IVD: variants seen among roughly 807,000 people sequenced by gnomAD.
IVD encodes the protein isovaleryl-CoA dehydrogenase, mitochondrial.
IVD carries 31 observed loss-of-function variants against 51.3 expected under a neutral mutation model. The observed-to-expected ratio is 0.60, with a 90% CI of 0.45 to 0.81. IVD has a LOEUF of 0.81. Ranked by LOEUF, IVD falls within the 40% of genes least tolerant of loss-of-function variation. IVD has a pLI of 0.00. For synonymous variants in IVD, 205 were observed against 219.4 expected (o/e 0.93, Z 0.58); for missense variants, 475 against 552.0 (o/e 0.86, Z 1.40).
rs560244242 is a variant in IVD, at chr15:40,420,724, G to C, written c.*2461G>C. The stretch of plus-strand genomic sequence containing the variant: ...AAAACCGCCCCTTTGTTTTTAAAAA[G>C]ATCAACACAATTTGACTTTCTCAAG... On this transcript the variant is annotated 3_prime_UTR_variant, in exon 12 of 12. Coordinates refer to ENST00000487418, the MANE Select transcript of IVD (RefSeq NM_002225.5). 3.0e-6 allele frequency: 3 copies of C among 985,864 alleles called. No homozygotes were observed. The African/African-American group carries it at 5.2e-5, about 17-fold the overall frequency. 61.1% of individuals were successfully genotyped at this position (985,864 alleles called of 1,614,324 possible).
chr15:40,416,183 G>A lies in IVD; in HGVS notation c.1065+1G>A, dbSNP rs756581753. ...CGATGAGGGCCATTGCACTGCTAAG[G>A]TGAGGGCCAGCCTCAGTCGGGGAGA... is the stretch of plus-strand genomic sequence containing the variant. On this transcript the variant is annotated splice_donor_variant, in intron 10 of 11. Transcript: ENST00000487418. LOFTEE classifies it high-confidence loss of function. The A allele has an allele frequency of 6.2e-7, 1 of 1,614,148 alleles. No homozygotes were observed. The highest frequency in any genetic ancestry group is 8.5e-7 in the Non-Finnish European group (1 of 1,179,952).
rs941709659 is a variant in IVD, at chr15:40,421,037, C to T, written c.*2774C>T. 1.1e-5 allele frequency: 11 copies of T among 985,434 alleles called. No homozygotes were observed. In the South Asian group the frequency reaches 2.4e-4, roughly 21 times the overall value. 61.0% of individuals were successfully genotyped at this position (985,434 alleles called of 1,614,324 possible). A position where few individuals can be genotyped will look rare whatever the true frequency, so the allele number is the denominator to read the frequency against. On this transcript the variant is annotated 3_prime_UTR_variant, in exon 12 of 12. Transcript: ENST00000487418. ...GGCTCCTCACCAACCCCAGTTCCGTCCCATCCTGAGGGCAAGATCCTGGGC... is the reference window on the plus strand; with the variant it reads ...GGCTCCTCACCAACCCCAGTTCCGTTCCATCCTGAGGGCAAGATCCTGGGC...
rs76965563 is a variant in IVD at position 40,406,759 on chromosome 15, T to G, written c.144+788T>G. Reference sequence around the variant, plus strand: ...CCTCCCAGCAACTCCGTAGTTTATGTTTATAGCCAGCGAGCGCTCAGAGCT... The same window carrying G: ...CCTCCCAGCAACTCCGTAGTTTATGGTTATAGCCAGCGAGCGCTCAGAGCT... On this transcript the variant is annotated intron_variant, in intron 1 of 11. Coordinates refer to ENST00000487418, the MANE Select transcript of IVD (RefSeq NM_002225.5). Among the ~76,000 whole-genome samples the G allele has an allele frequency of 7.9e-3, 1,206 of 152,318 alleles. 8 individuals are homozygous for G. The highest frequency in any genetic ancestry group is 0.013 in the Non-Finnish European group (899 of 68,028).
chr15:40,419,292 C>G lies in IVD; in HGVS notation c.*1029C>G. 8.3e-7 allele frequency: 1 copy of G among 1,201,758 alleles called. No homozygotes were observed. Among genetic ancestry groups the G allele is most frequent in the Middle Eastern group, 2.2e-4 (1 of 4,520 alleles). The allele number at this position is 1,201,758 out of a possible 1,614,324, so 74.4% of individuals were successfully genotyped here. A position where few individuals can be genotyped will look rare whatever the true frequency, so the allele number is the denominator to read the frequency against. On this transcript the variant is annotated 3_prime_UTR_variant, in exon 12 of 12. Transcript: ENST00000487418. ...TTGGGAGGCCAAGGCAGGTGGATCACTTGCAGTCAGGAGTTCAAGACCAGC... is the reference window on the plus strand; with the variant it reads ...TTGGGAGGCCAAGGCAGGTGGATCAGTTGCAGTCAGGAGTTCAAGACCAGC...
At chr15:40,415,999 T>C in intron 9 of IVD, 79 bp from the exon 10 acceptor site, 4 of 1,254,344 alleles carry the variant, frequency 3.2e-6, no homozygotes, top group Non-Finnish European at 4.6e-6. Flanking sequence ...CTTGGCTGTC[T>C]TGTTGCCATT....
At position 40,421,079 on chromosome 15, in the gene IVD, T is replaced by C; in HGVS notation, c.*2816T>C. Reference sequence around the variant, plus strand: ...ATCCTGGGCTCATAGGCAGTCCCTTTCACTTCCTTGTCTTGCTCCCTGCTA... The same window carrying C: ...ATCCTGGGCTCATAGGCAGTCCCTTCCACTTCCTTGTCTTGCTCCCTGCTA... On this transcript the variant is annotated 3_prime_UTR_variant, in exon 12 of 12. Coordinates refer to ENST00000487418, the MANE Select transcript of IVD (RefSeq NM_002225.5). The C allele has an allele frequency of 1.0e-6, 1 of 985,448 alleles. No individual in the cohort carries two copies. Among genetic ancestry groups the C allele is most frequent in the Non-Finnish European group, 1.2e-6 (1 of 829,946 alleles). 61.0% of individuals were successfully genotyped at this position (985,448 alleles called of 1,614,324 possible). A position where few individuals can be genotyped will look rare whatever the true frequency, so the allele number is the denominator to read the frequency against.
At position 40,419,241 on chromosome 15, in the gene IVD, T is replaced by G. The variant is rs1595801141; in HGVS notation, c.*978T>G. On this transcript the variant is annotated 3_prime_UTR_variant, in exon 12 of 12. Transcript: ENST00000487418. ...CATATGCTTGCTTGGCCAGGCAAGG[T>G]GGTGTGTGCCTGTAATCCCAGCACT... is the stretch of plus-strand genomic sequence containing the variant. 1 of 1,289,022 alleles carries G rather than the reference T, an allele frequency of 7.8e-7. No individual in the cohort carries two copies. Among genetic ancestry groups the G allele is most frequent in the African/African-American group, 1.5e-5 (1 of 65,956 alleles). 79.8% of individuals were successfully genotyped at this position (1,289,022 alleles called of 1,614,324 possible).
At chr15:40,422,146 A>G (rs981347078), downstream of IVD, among the ~76,000 whole-genome samples, 9 of 152,228 alleles carry the variant, frequency 5.9e-5, no homozygotes, top group Admixed American at 5.9e-4. Flanking sequence ...GCGCGGAGCC[A>G]GCCTATATGG....
In IVD at chr15:40,418,446, G is replaced by C; in HGVS notation, c.*183G>C. 6.7e-7 allele frequency: 1 copy of C among 1,494,278 alleles called. No individual in the cohort carries two copies. The highest frequency in any genetic ancestry group is 8.9e-7 in the Non-Finnish European group (1 of 1,124,936). The allele number at this position is 1,494,278 out of a possible 1,614,324, so 92.6% of individuals were successfully genotyped here. ...CCCAAGCATCATGGGCCTCGCAGCCGGGCCTGTGCCACGGCTAGTGTTGTG... is the reference window on the plus strand; with the variant it reads ...CCCAAGCATCATGGGCCTCGCAGCCCGGCCTGTGCCACGGCTAGTGTTGTG... On this transcript the variant is annotated 3_prime_UTR_variant, in exon 12 of 12. Coordinates refer to ENST00000487418, the MANE Select transcript of IVD (RefSeq NM_002225.5).
intron 6 of IVD, 133 bp from the exon 7 acceptor site, chr15:40,412,858 C>G: frequency 1.4e-6 from 1 of 723,688 alleles, no homozygotes. Context: ...GAGCATGGGA[C>G]TAGGATGCTG....
chr15:40,410,616 C>T lies in IVD; in HGVS notation c.287-12C>T, dbSNP rs954962043. ...CTGCGTTTTCCACTCCCTTGTACCA[C>T]ACCACTCACAGTTCAGTATGGCGGC... On this transcript the variant is annotated splice_polypyrimidine_tract_variant and intron_variant, in intron 3 of 11. Transcript: ENST00000487418. 1.9e-6 allele frequency: 3 copies of T among 1,614,138 alleles called. No individual in the cohort carries two copies. Among genetic ancestry groups the T allele is most frequent in the Non-Finnish European group, 2.5e-6 (3 of 1,180,024 alleles).
At chr15:40,425,228 C>CA (rs1892597884), downstream of IVD, among the ~76,000 whole-genome samples, 1 of 152,116 alleles carries the variant, frequency 6.6e-6, no homozygotes, top group South Asian at 2.1e-4. Context: ...TGAAAAATAA[C>CA]AAACTCCTGT....
Position 40,414,953 on chromosome 15 carries a change from GC to G in IVD, c.850del (p.Arg284GlyfsTer25). ...YVLMSGLDLE[R>X]LVLAGGPLGL... ...TGCTGATGAGTGGGCTGGACCTGGA[GC>G]GGCTGGTGCTGGCCGGGGGGCCTCT... On this transcript the variant is annotated frameshift_variant, in exon 8 of 12. Coordinates refer to ENST00000487418, the MANE Select transcript of IVD (RefSeq NM_002225.5). LOFTEE classifies it high-confidence loss of function. The G allele has an allele frequency of 6.2e-7, 1 of 1,614,140 alleles. No individual in the cohort carries two copies. The highest frequency in any genetic ancestry group is 1.3e-5 in the African/African-American group (1 of 75,062).
At chr15:40,417,509 A>G (rs912136839) in intron 11 of IVD, among the ~76,000 whole-genome samples, 2 of 152,114 alleles carry the variant, frequency 1.3e-5, no homozygotes, top group African/African-American at 2.4e-5. Context: ...CTCCAAAAAA[A>G]AAAAAAAAAA....
At chr15:40,423,819 T>C (rs1026322062), downstream of IVD, among the ~76,000 whole-genome samples, 2 of 152,242 alleles carry the variant, frequency 1.3e-5, no homozygotes, top group Non-Finnish European at 2.9e-5. Flanking sequence ...CCATACTTTT[T>C]TCACTTCCTC....
At chr15:40,433,031 G>A (rs1893068244) in intron 7 of IVD, among the ~76,000 whole-genome samples, 1 of 152,186 alleles carries the variant, frequency 6.6e-6, no homozygotes, top group African/African-American at 2.4e-5. Flanking sequence ...GCTACATCAG[G>A]TACTATTCTA....
At chr15:40,428,160 T>G (rs1332244105), downstream of IVD, among the ~76,000 whole-genome samples, 1 of 146,398 alleles carries the variant, frequency 6.8e-6, no homozygotes, top group African/African-American at 2.6e-5. Context: ...CCAGCCTGGG[T>G]GACAGAGTGA....
At position 40,421,101 on chromosome 15, in the gene IVD, G is replaced by C. The variant is rs1892258948; in HGVS notation, c.*2838G>C. The C allele has an allele frequency of 3.0e-6, 3 of 985,306 alleles. No homozygotes were observed. In the Admixed American group the frequency reaches 1.8e-4, roughly 61 times the overall value. The allele number at this position is 985,306 out of a possible 1,614,324, so 61.0% of individuals were successfully genotyped here. On this transcript the variant is annotated 3_prime_UTR_variant, in exon 12 of 12. Transcript: ENST00000487418. ...CTTTCACTTCCTTGTCTTGCTCCCT[G>C]CTATGTTGGAGATGAATGTGACTAA...
intron 7 of IVD, among the ~76,000 whole-genome samples, chr15:40,431,664 C>T (rs1892983669): frequency 6.6e-6 from 1 of 151,270 alleles, no homozygotes; most frequent in Admixed American, 6.6e-5. Flanking sequence ...CACTGCACTC[C>T]AGCCTGGGCT....
Sources: gnomAD v4.1 joint callset for allele counts (sites outside exome capture counted in the v4.1 genomes callset) on GRCh38, gnomAD v4.1.1 for gene constraint, MANE v1.5 for transcripts, NCBI Gene and HGNC (gene_info 2026-07-23, HGNC 2026-07-21) for gene names.